Variants in H2AZ2 observed in about 807,000 individuals in gnomAD.
The protein encoded by H2AZ2 is histone H2A.V.
H2AZ2 carries 5 observed loss-of-function variants against 15.5 expected under a neutral mutation model. The observed-to-expected ratio is 0.32, with a 90% CI of 0.17 to 0.68. The LOEUF is 0.68. Among genes scored for constraint, H2AZ2 ranks in the 30% least tolerant of loss-of-function variants. The pLI is 0.72. For synonymous variants in H2AZ2, 44 were observed against 57.4 expected, an observed-to-expected ratio of 0.77 and a Z score of 1.05; for missense variants, 42 against 162.5, an observed-to-expected ratio of 0.26 and a Z score of 4.03.
downstream of H2AZ2, chr7:44,828,910 T>C (rs1312201542): frequency 6.6e-6 from 1 of 152,198 alleles, no homozygotes; most frequent in African/African-American, 2.4e-5. Flanking sequence ...CCCCTCTATC[T>C]TCAAGTCAGC....
Position 44,833,686 on chromosome 7 carries a change from T to G in H2AZ2, c.*815A>C, listed in dbSNP as rs1352330687. On this transcript the variant is annotated 3_prime_UTR_variant, in exon 5 of 5. Coordinates refer to ENST00000308153, the MANE Select transcript of H2AZ2 (RefSeq NM_012412.5). ...ATTTTAAACCAAAAGGAGAAACCTTTGATAAACTGAACATCAATTCCAGGT... is the reference window on the plus strand; with the variant it reads ...ATTTTAAACCAAAAGGAGAAACCTTGGATAAACTGAACATCAATTCCAGGT... 1 of 985,428 alleles carries G rather than the reference T, an allele frequency of 1.0e-6. No individual in the cohort carries two copies. Among genetic ancestry groups the G allele is most frequent in the African/African-American group, 1.7e-5 (1 of 57,384 alleles). 61.0% of individuals were successfully genotyped at this position (985,428 alleles called of 1,614,324 possible).
chr7:44,834,639 T>A, intron 4 of H2AZ2, 77 bp from the exon 5 acceptor site: 1 of 1,315,198 alleles, frequency 7.6e-7, no homozygotes, highest in Admixed American at 2.0e-5. Flanking sequence ...ATAGAAAAAA[T>A]GAAATTTACT....
chr7:44,843,444 T>C, intron 1 of H2AZ2, 90 bp from the exon 2 acceptor site: 1 of 834,412 alleles, frequency 1.2e-6, no homozygotes. Flanking sequence ...CTAGTTTTAC[T>C]TTAGGTAGTT....
intron 3 of H2AZ2, among the ~76,000 whole-genome samples, chr7:44,838,900 C>T (rs1397715756): frequency 4.6e-5 from 7 of 152,158 alleles, no homozygotes; most frequent in South Asian, 4.1e-4. Flanking sequence ...AGAATGAATG[C>T]GTCTACACTT....
At chr7:44,835,980 G>C (rs892310258) in intron 3 of H2AZ2, among the ~76,000 whole-genome samples, 1 of 111,260 alleles carries the variant, frequency 9.0e-6, no homozygotes, top group Non-Finnish European at 1.8e-5. Context: ...TTTTTTTTGA[G>C]ACAAGGTCTC....
At chr7:44,842,798 C>T (rs1793304880) in intron 2 of H2AZ2, among the ~76,000 whole-genome samples, 1 of 152,122 alleles carries the variant, frequency 6.6e-6, no homozygotes, top group African/African-American at 2.4e-5. Context: ...CTCTCAATGG[C>T]TTACCACTGC....
chr7:44,833,831 C>G lies in H2AZ2; in HGVS notation c.*670G>C. On this transcript the variant is annotated 3_prime_UTR_variant, in exon 5 of 5. Coordinates refer to ENST00000308153, the MANE Select transcript of H2AZ2 (RefSeq NM_012412.5). ...TTTCTGTGACCCTTAGGCTCCACAT[C>G]TATAATGTGGCAGCAACAACTTTCT... 2.7e-6 allele frequency: 1 copy of G among 373,044 alleles called. No homozygotes were observed. The highest frequency in any genetic ancestry group is 1.1e-4 in the South Asian group (1 of 9,088). The allele number at this position is 373,044 out of a possible 1,614,324, so 23.1% of individuals were successfully genotyped here.
intron 2 of H2AZ2, among the ~76,000 whole-genome samples, chr7:44,842,073 A>G (rs1277917744): frequency 6.6e-6 from 1 of 152,132 alleles, no homozygotes; most frequent in Non-Finnish European, 1.5e-5. Context: ...TTGCATTTAT[A>G]CTTCATCTCT....
In H2AZ2 at chr7:44,836,642, C is replaced by T. The variant is rs1280312446; in HGVS notation, c.196-984G>A. Reference sequence around the variant, plus strand: ...AAACTATTCTCCTGCCTCAGCCTCCCGAGTAGCTGGGACTACAGGCGCCTG... The same window carrying T: ...AAACTATTCTCCTGCCTCAGCCTCCTGAGTAGCTGGGACTACAGGCGCCTG... On this transcript the variant is annotated intron_variant, in intron 3 of 4. Transcript: ENST00000308153. Among the ~76,000 whole-genome samples, 4 of 152,152 alleles carry T rather than the reference C, an allele frequency of 2.6e-5. No individual in the cohort carries two copies. The East Asian group carries it at 5.8e-4, about 22-fold the overall frequency.
chr7:44,843,255 A>G (rs1035685653), intron 2 of H2AZ2, 22 bp downstream of exon 2: 2 of 1,525,370 alleles, frequency 1.3e-6, no homozygotes, highest in Admixed American at 3.9e-5. Flanking sequence ...ATAATAATGT[A>G]ATGACAGCAT....
chr7:44,835,955 CTTTTTTT>C (rs56386314), intron 3 of H2AZ2, among the ~76,000 whole-genome samples: 7 of 90,890 alleles, frequency 7.7e-5, no homozygotes, highest in Admixed American at 2.5e-4. Context: ...TTAGAAAAGT[CTTTTTTT>C]TTTTTTTTTT....
In H2AZ2 at chr7:44,832,704, T is replaced by C. The variant is rs1326053574; in HGVS notation, c.*1797A>G. Among the ~76,000 whole-genome samples, 1 of 152,188 alleles carries C rather than the reference T, an allele frequency of 6.6e-6. No individual in the cohort carries two copies. Among genetic ancestry groups the C allele is most frequent in the African/African-American group, 2.4e-5 (1 of 41,454 alleles). On this transcript the variant is annotated 3_prime_UTR_variant, in exon 5 of 5. Transcript: ENST00000308153. ...TGGCTTATGCCTATAATCCCAGTACTTTGGGAGGCCAAGGTGGGAGGATGG... is the reference window on the plus strand; with the variant it reads ...TGGCTTATGCCTATAATCCCAGTACCTTGGGAGGCCAAGGTGGGAGGATGG...
chr7:44,846,062 C>CACACAGAGAGAG (rs57468916), intron 1 of H2AZ2, among the ~76,000 whole-genome samples: 135 of 75,140 alleles, frequency 1.8e-3, no homozygotes, highest in Admixed American at 5.4e-3. Flanking sequence ...CACACACACA[C>CACACAGAGAGAG]AGAGAGAGAC....
Position 44,834,231 on chromosome 7 carries a change from A to C in H2AZ2, c.*270T>G, listed in dbSNP as rs1793062861. ...AACAGAACAGTTTTGAGACAAATTA[A>C]TTTTGTAAAAAATGGTTTATCAATT... is the stretch of plus-strand genomic sequence containing the variant. On this transcript the variant is annotated 3_prime_UTR_variant, in exon 5 of 5. Coordinates refer to ENST00000308153, the MANE Select transcript of H2AZ2 (RefSeq NM_012412.5). The C allele has an allele frequency of 1.7e-6, 2 of 1,209,180 alleles. No individual in the cohort carries two copies. Among genetic ancestry groups the C allele is most frequent in the Non-Finnish European group, 2.1e-6 (2 of 969,494 alleles). 74.9% of individuals were successfully genotyped at this position (1,209,180 alleles called of 1,614,324 possible).
At chr7:44,836,642 C>G (rs1280312446) in intron 3 of H2AZ2, among the ~76,000 whole-genome samples, 1 of 152,034 alleles carries the variant, frequency 6.6e-6, no homozygotes, top group Non-Finnish European at 1.5e-5. Flanking sequence ...CTCAGCCTCC[C>G]GAGTAGCTGG....
Position 44,848,018 on chromosome 7 carries a change from T to G in H2AZ2, c.-47A>C. 2 of 1,232,738 alleles carry G rather than the reference T, an allele frequency of 1.6e-6. No individual in the cohort carries two copies. The highest frequency in any genetic ancestry group is 2.7e-5 in the South Asian group (1 of 37,472). The allele number at this position is 1,232,738 out of a possible 1,614,324, so 76.4% of individuals were successfully genotyped here. On this transcript the variant is annotated 5_prime_UTR_variant, in exon 1 of 5. Transcript: ENST00000308153. Reference sequence around the variant, plus strand: ...TCCGCTCGGCCGCGCGCCCTCCCGCTGCCGACCCGCGCCGCCGCCGCCGCT... The same window carrying G: ...TCCGCTCGGCCGCGCGCCCTCCCGCGGCCGACCCGCGCCGCCGCCGCCGCT...
chr7:44,828,338 G>C (rs1411429666), downstream of H2AZ2: 1 of 152,116 alleles, frequency 6.6e-6, no homozygotes, highest in African/African-American at 2.4e-5. Flanking sequence ...CCCTGCCCAT[G>C]TTCTCACTGA....
At chr7:44,842,336 T>C (rs1793293738) in intron 2 of H2AZ2, among the ~76,000 whole-genome samples, 3 of 152,332 alleles carry the variant, frequency 2.0e-5, no homozygotes, top group Admixed American at 2.0e-4. Context: ...CCATTTTACA[T>C]AAATGATCTC....
In H2AZ2 at chr7:44,843,373, T is replaced by C; in HGVS notation, c.4-19A>G. ...CTCCAGCCTAAATGCAAAAAAAAAT[T>C]TTTTTGAATGAAAAGAGTTGAAAAT... On this transcript the variant is annotated intron_variant, in intron 1 of 4. Transcript: ENST00000308153. The C allele has an allele frequency of 1.3e-6, 2 of 1,580,578 alleles. No individual in the cohort carries two copies. Among genetic ancestry groups the C allele is most frequent in the Non-Finnish European group, 1.7e-6 (2 of 1,157,710 alleles).
Sources: allele counts gnomAD v4.1 joint callset (sites outside exome capture counted in the v4.1 genomes callset), GRCh38; gene constraint gnomAD v4.1.1; transcripts MANE v1.5; gene names NCBI Gene and HGNC (gene_info 2026-07-23, HGNC 2026-07-21).